Variants in SNX30 observed in about 807,000 individuals in gnomAD.
SNX30 encodes the protein sorting nexin-30.
A neutral mutation model predicts 46.4 loss-of-function variants in SNX30; 24 were observed. The observed-to-expected ratio is 0.52, with a 90% CI of 0.37 to 0.73. The LOEUF (loss-of-function observed/expected upper bound fraction) is 0.73. Ranked by LOEUF, SNX30 falls within the 30% of genes least tolerant of loss-of-function variation. SNX30 has a pLI of 0.00. For synonymous variants in SNX30, 189 were observed against 211.5 expected (o/e 0.89, Z 0.92); for missense variants, 533 against 555.7 (o/e 0.96, Z 0.41).
chr9:112,868,388 G>A (rs1841394456), intron 8 of SNX30, among the ~76,000 whole-genome samples: 1 of 152,148 alleles, frequency 6.6e-6, no homozygotes, highest in African/African-American at 2.4e-5. Context: ...TCCTGCATAA[G>A]CGCCACCCAC....
chr9:112,842,934 C>A (rs1004392886), intron 6 of SNX30, among the ~76,000 whole-genome samples: 1 of 151,546 alleles, frequency 6.6e-6, no homozygotes, highest in African/African-American at 2.4e-5. Flanking sequence ...AGGTTAGTTA[C>A]CCTTAAGCCC....
intron 3 of SNX30, among the ~76,000 whole-genome samples, chr9:112,822,864 C>A (rs1840526895): frequency 6.6e-6 from 1 of 152,128 alleles, no homozygotes; most frequent in African/African-American, 2.4e-5. Context: ...ACCTGTGAGT[C>A]CTTTAGTAGC....
chr9:112,760,313 G>A lies in SNX30; in HGVS notation c.156+9156G>A, dbSNP rs554422127. Among the ~76,000 whole-genome samples, 137 of 152,300 alleles carry A rather than the reference G, an allele frequency of 9.0e-4. 1 individual carries two copies. Among genetic ancestry groups the A allele is most frequent in the African/African-American group, 2.9e-3 (122 of 41,562 alleles). On this transcript the variant is annotated intron_variant, in intron 1 of 8. Coordinates refer to ENST00000374232, the MANE Select transcript of SNX30 (RefSeq NM_001012994.2). ...AGGGGGCCCTGGAGGGGAGGCAGCC[G>A]CTGCCAGTGGCACGATCTGAGGCAG...
chr9:112,764,798 G>T (rs1839507369), intron 1 of SNX30, among the ~76,000 whole-genome samples: 1 of 152,204 alleles, frequency 6.6e-6, no homozygotes, highest in Admixed American at 6.5e-5. Context: ...TTAGCAAAAA[G>T]GTGAGCCTAT....
chr9:112,840,644 C>T (rs984895114), intron 6 of SNX30, among the ~76,000 whole-genome samples: 5 of 152,110 alleles, frequency 3.3e-5, no homozygotes, highest in African/African-American at 9.7e-5. Flanking sequence ...CGCCACCACA[C>T]CCAGCTAATT....
intron 1 of SNX30, among the ~76,000 whole-genome samples, chr9:112,780,935 C>A (rs1414141941): frequency 6.6e-6 from 1 of 152,196 alleles, no homozygotes; most frequent in African/African-American, 2.4e-5. Flanking sequence ...GATGCCAGTT[C>A]TGTTATCAAC....
At position 112,837,728 on chromosome 9, in the gene SNX30, G is replaced by T. The variant is rs1032778065; in HGVS notation, c.815-770G>T. ...CTGACCCCATGATCCACCCACCTCG[G>T]CCTCCCAAAGTGCTGGGATTACAGG... On this transcript the variant is annotated intron_variant, in intron 5 of 8. Coordinates refer to ENST00000374232, the MANE Select transcript of SNX30 (RefSeq NM_001012994.2). 3.2e-4 allele frequency among the ~76,000 whole-genome samples: 48 copies of T among 151,736 alleles called. 1 individual carries two copies. Among genetic ancestry groups the T allele is most frequent in the Non-Finnish European group, 7.4e-5 (5 of 67,940 alleles).
intron 1 of SNX30, among the ~76,000 whole-genome samples, chr9:112,794,614 A>G (rs886284785): frequency 9.8e-5 from 15 of 152,360 alleles, no homozygotes; most frequent in African/African-American, 1.9e-4. Context: ...TCACTTGCCC[A>G]TATTCCTCCA....
intron 3 of SNX30, among the ~76,000 whole-genome samples, chr9:112,821,315 G>C (rs1840489413): frequency 6.6e-6 from 1 of 151,976 alleles, no homozygotes; most frequent in African/African-American, 2.4e-5. Context: ...TATCTTCCTT[G>C]GAGAAATATC....
intron 7 of SNX30, among the ~76,000 whole-genome samples, chr9:112,857,484 A>G (rs1317310328): frequency 1.3e-5 from 2 of 152,036 alleles, no homozygotes; most frequent in African/African-American, 2.4e-5. Flanking sequence ...CCACTCACAC[A>G]TTGCCAGTTA....
chr9:112,787,147 G>C lies in SNX30; in HGVS notation c.157-17629G>C, dbSNP rs368747144. Among the ~76,000 whole-genome samples, 43 of 152,310 alleles carry C rather than the reference G, an allele frequency of 2.8e-4. No individual in the cohort carries two copies. The East Asian group carries it at 2.9e-3, about 10-fold the overall frequency. ...CACTTCAGGATTCTAAAAAGATGCT[G>C]TGTGGAAACTGTGTCTCAGGCCTCG... On this transcript the variant is annotated intron_variant, in intron 1 of 8. Transcript: ENST00000374232.
At chr9:112,771,026 A>C (rs1357601626) in intron 1 of SNX30, among the ~76,000 whole-genome samples, 1 of 152,074 alleles carries the variant, frequency 6.6e-6, no homozygotes, top group African/African-American at 2.4e-5. Flanking sequence ...CAAACAAAAA[A>C]CAAACTAGTA....
rs539111991 is a variant in SNX30, at chr9:112,797,848, G to A, written c.157-6928G>A. Among the ~76,000 whole-genome samples the A allele has an allele frequency of 3.9e-4, 57 of 146,190 alleles. 2 individuals carry two copies. The South Asian group carries it at 0.012, about 32-fold the overall frequency. On this transcript the variant is annotated intron_variant, in intron 1 of 8. Transcript: ENST00000374232. ...GCCTCAGCCCCCCGAGTAGGCGCACGCCACCGTGCCCAGCTAATATTGGTA... is the reference window on the plus strand; with the variant it reads ...GCCTCAGCCCCCCGAGTAGGCGCACACCACCGTGCCCAGCTAATATTGGTA...
At chr9:112,848,148 T>C (rs1464106083) in intron 6 of SNX30, among the ~76,000 whole-genome samples, 1 of 152,012 alleles carries the variant, frequency 6.6e-6, no homozygotes, top group Non-Finnish European at 1.5e-5. Context: ...ATCAATGGGA[T>C]GCAGATCCCT....
chr9:112,763,332 T>C (rs1245773719), intron 1 of SNX30, among the ~76,000 whole-genome samples: 1 of 144,624 alleles, frequency 6.9e-6, no homozygotes, highest in Admixed American at 7.1e-5. Context: ...TAGCTCCTAG[T>C]GGTGTATGGT....
chr9:112,822,976 T>C (rs947321492), intron 3 of SNX30, among the ~76,000 whole-genome samples: 4 of 110,114 alleles, frequency 3.6e-5, no homozygotes, highest in Admixed American at 1.0e-4. Flanking sequence ...ATAACACTTA[T>C]TACAGAATAT....
At chr9:112,786,364 G>A (rs1839926760) in intron 1 of SNX30, among the ~76,000 whole-genome samples, 1 of 152,006 alleles carries the variant, frequency 6.6e-6, no homozygotes, top group Admixed American at 6.6e-5. Context: ...CAAGTGATCT[G>A]CCTGCTGTAG....
intron 1 of SNX30, among the ~76,000 whole-genome samples, chr9:112,767,302 A>G (rs907817520): frequency 3.3e-5 from 5 of 151,910 alleles, no homozygotes; most frequent in African/African-American, 9.7e-5. Flanking sequence ...GTCTTTTAAA[A>G]CTGTTATTGA....
At chr9:112,756,434 CCTTTT>C (rs1406478918) in intron 1 of SNX30, among the ~76,000 whole-genome samples, 1 of 134,254 alleles carries the variant, frequency 7.4e-6, no homozygotes, top group Non-Finnish European at 1.5e-5. Flanking sequence ...CTGTAATCAT[CCTTTT>C]TTTTTTTTTT....
Sources: gnomAD v4.1 joint callset for allele counts (sites outside exome capture counted in the v4.1 genomes callset) on GRCh38, gnomAD v4.1.1 for gene constraint, MANE v1.5 for transcripts, NCBI Gene and HGNC (gene_info 2026-07-23, HGNC 2026-07-21) for gene names.